The following SDHA variants were observed in gnomAD, a reference collection of about 807,000 sequenced individuals.
SDHA encodes succinate dehydrogenase complex flavoprotein subunit A, also known as succinate dehydrogenase [ubiquinone] flavoprotein subunit, mitochondrial.
A neutral mutation model predicts 78.4 loss-of-function variants in SDHA; 48 were observed. The ratio of observed to expected loss-of-function variants is 0.61; its 90% CI spans 0.49 to 0.78. The LOEUF (loss-of-function observed/expected upper bound fraction) is 0.78, where lower values mean the gene tolerates loss of function less well. Among genes scored for constraint, SDHA ranks in the 30% least tolerant of loss-of-function variants. The pLI, the probability that SDHA is intolerant of heterozygous loss-of-function variation, is 0.00. For missense variants in SDHA, 680 were observed against 892.7 expected (o/e 0.76, Z 3.04); for synonymous variants, 326 against 353.9 (o/e 0.92, Z 0.88).
In SDHA at chr5:251,100, C is replaced by T. The variant is rs9809219; in HGVS notation, c.1660C>T (p.Arg554Trp). ...GDLKHLKTFD[R>W]GMVWNTDLVE... ...CCTAAAGCACCTGAAGACGTTCGAC[C>T]GGGGTGAGCAGACAGTGGGCTCTGT... Residue 554 changes from arginine to tryptophan, a missense_variant, in exon 12 of 15, where the codon CGG (arginine) becomes TGG (tryptophan). Transcript: ENST00000264932. The T allele has an allele frequency of 1.7e-5, 27 of 1,611,434 alleles. No individual in the cohort carries two copies. The highest frequency in any genetic ancestry group is 4.5e-4 in the Middle Eastern group (2 of 4,450).
rs776723921 is a variant in SDHA, at chr5:235,115, C to T, written c.1065-29C>T. The T allele has an allele frequency of 2.5e-6, 4 of 1,609,490 alleles. No homozygotes were observed. In the South Asian group the frequency reaches 3.3e-5, roughly 13 times the overall value. ...GGTCTCCTGCCGTTGCCGTTCTCTG[C>T]CGTATGTGATGGTGTTCTGTCTTAC... On this transcript the variant is annotated intron_variant, in intron 8 of 14. Transcript: ENST00000264932.
At chr5:232,786 T>C (rs1042788603) in intron 7 of SDHA, among the ~76,000 whole-genome samples, 1 of 152,242 alleles carries the variant, frequency 6.6e-6, no homozygotes, top group Non-Finnish European at 1.5e-5. Context: ...ATCTCCTTTG[T>C]TAAAATTCGA....
At chr5:225,845 A>T (rs753760172) in intron 4 of SDHA, 38 bp from the exon 5 acceptor site, 7 of 1,610,604 alleles carry the variant, frequency 4.3e-6, no homozygotes, top group Non-Finnish European at 5.9e-6. Context: ...TGACTCCTTT[A>T]AGGTGTTAAG....
At chr5:253,702 T>A (rs1736997448) in intron 13 of SDHA, among the ~76,000 whole-genome samples, 1 of 152,168 alleles carries the variant, frequency 6.6e-6, no homozygotes, top group South Asian at 2.1e-4. Context: ...CCCAAAGTGC[T>A]AGGGTTACAG....
intron 5 of SDHA, among the ~76,000 whole-genome samples, chr5:226,447 C>T (rs912106457): frequency 6.6e-6 from 1 of 152,070 alleles, no homozygotes; most frequent in Non-Finnish European, 1.5e-5. Flanking sequence ...GCCTGGACAA[C>T]ATAGCAAGAC....
rs776033086 is a variant in SDHA at position 236,383 on chromosome 5, G to A, written c.1261-45G>A. On this transcript the variant is annotated intron_variant, in intron 9 of 14. Coordinates refer to ENST00000264932, the MANE Select transcript of SDHA (RefSeq NM_004168.4). Reference sequence around the variant, plus strand: ...CTGTTGGGGAAGGTGGGCTGGTGGAGGCATGGGCACCTTGACATTTCACCT... The same window carrying A: ...CTGTTGGGGAAGGTGGGCTGGTGGAAGCATGGGCACCTTGACATTTCACCT... 4 of 1,598,342 alleles carry A rather than the reference G, an allele frequency of 2.5e-6. No homozygotes were observed. The South Asian group carries it at 4.4e-5, about 18-fold the overall frequency.
intron 6 of SDHA, 41 bp downstream of exon 6, chr5:228,374 A>T (rs1284049582): frequency 3.8e-6 from 6 of 1,575,060 alleles, no homozygotes; most frequent in Non-Finnish European, 5.2e-6. Flanking sequence ...TATAAAAATG[A>T]ATAAATTTCA....
Position 235,281 on chromosome 5 carries a change from C to T in SDHA, c.1202C>T (p.Pro401Leu), listed in dbSNP as rs2126585321. 1 of 1,614,150 alleles carries T rather than the reference C, an allele frequency of 6.2e-7. No homozygotes were observed. The highest frequency in any genetic ancestry group is 1.7e-5 in the Admixed American group (1 of 60,018). ...AGVDVTKEPI[P>L]VLPTVHYNMG... is the part of the protein sequence containing the mutation. ...GTGGACGTCACGAAGGAGCCGATCC[C>T]TGTCCTCCCCACCGTGCATTATAAC... The change falls in exon 9 of 15, where the codon CCT becomes CTT. Residue 401 changes from proline (P) to leucine (L), a missense_variant. Pro to Leu is a moderately conservative substitution (Grantham distance 98). Coordinates refer to ENST00000264932, the MANE Select transcript of SDHA (RefSeq NM_004168.4).
chr5:228,572 C>T (rs10042604), intron 6 of SDHA, among the ~76,000 whole-genome samples: 8 of 152,056 alleles, frequency 5.3e-5, no homozygotes, highest in Admixed American at 2.6e-4. Flanking sequence ...AGTGGTTGCC[C>T]TCAGGTTCAC....
intron 10 of SDHA, among the ~76,000 whole-genome samples, chr5:239,807 TTG>T (rs1736030911): frequency 1.3e-5 from 2 of 151,620 alleles, no homozygotes; most frequent in African/African-American, 4.9e-5. Flanking sequence ...TCTCGCTCTG[TTG>T]CCCAGGCTGG....
the SDHA span, among the ~76,000 whole-genome samples, chr5:268,062 T>C: frequency 0.011 from 1,652 of 152,240 alleles, 25 homozygotes; most frequent in African/African-American, 0.037. Flanking sequence ...TTCTTAGAGG[T>C]CAGGGTTGTA....
intron 13 of SDHA, among the ~76,000 whole-genome samples, chr5:254,034 C>G (rs142317639): frequency 0.037 from 5,618 of 150,944 alleles, 164 homozygotes; most frequent in Non-Finnish European, 0.046. Flanking sequence ...TAGCCAGACC[C>G]TGTCTCAAAA....
intron 6 of SDHA, among the ~76,000 whole-genome samples, chr5:230,330 A>G (rs573673217): frequency 3.3e-4 from 50 of 152,216 alleles, no homozygotes; most frequent in Non-Finnish European, 6.2e-4. Context: ...GCACAAAGCT[A>G]AAATACAAAT....
intron 11 of SDHA, among the ~76,000 whole-genome samples, chr5:242,524 C>G (rs917407113): frequency 5.3e-5 from 8 of 152,182 alleles, no homozygotes; most frequent in Non-Finnish European, 1.0e-4. Context: ...AATCTCTGTT[C>G]AAGGCTCTCA....
intron 13 of SDHA, 118 bp downstream of exon 13, chr5:251,586 A>T: frequency 6.4e-7 from 1 of 1,552,716 alleles, no homozygotes; most frequent in South Asian, 1.2e-5. Flanking sequence ...AAATCCAAAA[A>T]ATGCCTTTTT....
chr5:218,453 G>A, intron 1 of SDHA, 35 bp downstream of exon 1: 3 of 1,352,890 alleles, frequency 2.2e-6, no homozygotes, highest in East Asian at 3.1e-5. Flanking sequence ...CGGGGCAGGC[G>A]GGGGCCGAGG....
At chr5:244,360 T>C (rs73016876) in intron 11 of SDHA, among the ~76,000 whole-genome samples, 35,677 of 151,462 alleles carry the variant, frequency 0.24, 6,124 homozygotes, top group African/African-American at 0.51. Flanking sequence ...AGAGGAGTCA[T>C]TGATTCAGAT....
At chr5:256,216 A>G in intron 14 of SDHA, 118 bp from the exon 15 acceptor site, 1 of 801,618 alleles carries the variant, frequency 1.2e-6, no homozygotes, top group South Asian at 1.4e-5. Flanking sequence ...AGCACTGAGA[A>G]TCTTAAAGTT....
At position 225,236 on chromosome 5, in the gene SDHA, G is replaced by T. The variant is rs575679394; in HGVS notation, c.313-183G>T. ...TAAGGATGGAATCACTGGGCGAGTCGGGGAGGGGTTGTGATCTGGAATCTG... is the reference window on the plus strand; with the variant it reads ...TAAGGATGGAATCACTGGGCGAGTCTGGGAGGGGTTGTGATCTGGAATCTG... On this transcript the variant is annotated intron_variant, in intron 3 of 14. Transcript: ENST00000264932. 1.9e-3 allele frequency among the ~76,000 whole-genome samples: 290 copies of T among 152,094 alleles called. 2 individuals are homozygous for T. The highest frequency in any genetic ancestry group is 6.7e-3 in the African/African-American group (279 of 41,382).
Sources: gnomAD v4.1 joint callset for allele counts (sites outside exome capture counted in the v4.1 genomes callset) on GRCh38, gnomAD v4.1.1 for gene constraint, MANE v1.5 for transcripts, NCBI Gene and HGNC (gene_info 2026-07-23, HGNC 2026-07-21) for gene names.